RYR2: variants seen among roughly 807,000 people sequenced by gnomAD.
The protein encoded by RYR2 is cardiac muscle ryanodine receptor-calcium release channel.
In RYR2, 227 loss-of-function variants were observed where a neutral mutation model predicts 601.1. The observed-to-expected ratio is 0.38, with a 90% CI of 0.34 to 0.42. The LOEUF is 0.42. Ranked by LOEUF, RYR2 falls within the 10% of genes least tolerant of loss-of-function variation. The pLI, the probability that RYR2 is intolerant of heterozygous loss-of-function variation, is 1.00. For synonymous variants in RYR2, 2,223 were observed against 2,175.1 expected (o/e 1.02, Z -0.61); for missense variants, 4,646 against 6,156.5 (o/e 0.75, Z 8.21).
At chr1:237,757,021 T>A (rs1455930921) in intron 81 of RYR2, among the ~76,000 whole-genome samples, 1 of 152,226 alleles carries the variant, frequency 6.6e-6, no homozygotes, top group African/African-American at 2.4e-5. Context: ...ACATTCATAA[T>A]AGCTTCTTTG....
chr1:237,160,132 C>T (rs1558341461), intron 1 of RYR2, among the ~76,000 whole-genome samples: 1 of 152,156 alleles, frequency 6.6e-6, no homozygotes, highest in Non-Finnish European at 1.5e-5. Flanking sequence ...ACAGCAGAAT[C>T]TTTGGATTAA....
At chr1:237,463,698 C>T (rs1659735320) in intron 16 of RYR2, among the ~76,000 whole-genome samples, 1 of 152,070 alleles carries the variant, frequency 6.6e-6, no homozygotes. Flanking sequence ...AAGATCTTAA[C>T]TTAGTCTTTA....
At chr1:237,159,597 G>A (rs937245671) in intron 1 of RYR2, among the ~76,000 whole-genome samples, 17 of 152,264 alleles carry the variant, frequency 1.1e-4, no homozygotes, top group African/African-American at 4.1e-4. Context: ...TTGGGAGGCC[G>A]AGGCAGGAGG....
At chr1:237,811,708 A>G (rs945840139) in intron 100 of RYR2, among the ~76,000 whole-genome samples, 3 of 152,192 alleles carry the variant, frequency 2.0e-5, no homozygotes, top group Admixed American at 2.0e-4. Flanking sequence ...TGCAGGGGGA[A>G]AAAGCTTTCA....
intron 17 of RYR2, among the ~76,000 whole-genome samples, chr1:237,482,848 C>A (rs1366068921): frequency 6.6e-6 from 1 of 152,136 alleles, no homozygotes; most frequent in Non-Finnish European, 1.5e-5. Context: ...TTTCTCCATA[C>A]CCTTGCCAGC....
chr1:237,380,403 TATATATATATATATATATA>T lies in RYR2; in HGVS notation c.576+2969_576+2987del, dbSNP rs1701397561. The stretch of plus-strand genomic sequence containing the variant: ...ATATATATATATATATATATATATA[TATATATATATATATATATA>T]GTAAATACGAAGTCTGGTGAGTATG... On this transcript the variant is annotated intron_variant, in intron 8 of 104. Transcript: ENST00000366574. 1.5e-3 allele frequency among the ~76,000 whole-genome samples: 51 copies of T among 34,098 alleles called. 3 individuals are homozygous for T. Among genetic ancestry groups the T allele is most frequent in the African/African-American group, 4.8e-3 (48 of 10,056 alleles). The allele number at this position is 34,098 out of a possible 152,430, so 22.4% of individuals were successfully genotyped here. A position where few individuals can be genotyped will look rare whatever the true frequency, so the allele number is the denominator to read the frequency against.
chr1:237,116,208 C>A (rs1167311473), intron 1 of RYR2, among the ~76,000 whole-genome samples: 2 of 152,090 alleles, frequency 1.3e-5, no homozygotes, highest in Non-Finnish European at 2.9e-5. Flanking sequence ...GGAAGGGGAA[C>A]CAGGCTGAAC....
At chr1:237,526,622 T>C in intron 24 of RYR2, among the ~76,000 whole-genome samples, 1 of 152,192 alleles carries the variant, frequency 6.6e-6, no homozygotes, top group South Asian at 2.1e-4. Context: ...ACTGGAATTA[T>C]AGGCATGAAC....
intron 1 of RYR2, among the ~76,000 whole-genome samples, chr1:237,167,964 G>C (rs1676905797): frequency 1.3e-5 from 2 of 152,056 alleles, no homozygotes; most frequent in Non-Finnish European, 2.9e-5. Context: ...AGCCTAGTCA[G>C]GAAATAAGCT....
chr1:237,566,347 G>C (rs1672083033), intron 27 of RYR2, among the ~76,000 whole-genome samples: 1 of 152,084 alleles, frequency 6.6e-6, no homozygotes, highest in Non-Finnish European at 1.5e-5. Flanking sequence ...CGCAAGCCCT[G>C]GTGCTTTCCA....
chr1:237,340,937 C>T (rs1697716063), intron 3 of RYR2, among the ~76,000 whole-genome samples: 1 of 152,180 alleles, frequency 6.6e-6, no homozygotes, highest in African/African-American at 2.4e-5. Flanking sequence ...TTGAAAGATG[C>T]ATCTTTCAGT....
chr1:237,324,875 A>G (rs1405837246), intron 2 of RYR2, among the ~76,000 whole-genome samples: 1 of 152,204 alleles, frequency 6.6e-6, no homozygotes, highest in Non-Finnish European at 1.5e-5. Flanking sequence ...GCAGTGTGAA[A>G]AGCATAATTA....
At chr1:237,374,672 A>T in intron 6 of RYR2, 45 bp from the exon 7 acceptor site, 1 of 1,508,068 alleles carries the variant, frequency 6.6e-7, no homozygotes, top group African/African-American at 1.4e-5. Context: ...CAAACAACAG[A>T]CGAACAAAAC....
chr1:237,601,099 A>G (rs556576584), intron 34 of RYR2, among the ~76,000 whole-genome samples: 11 of 152,334 alleles, frequency 7.2e-5, no homozygotes, highest in Non-Finnish European at 1.5e-4. Context: ...TCCCAAGGAA[A>G]GGAAATCAGT....
intron 63 of RYR2, among the ~76,000 whole-genome samples, chr1:237,694,614 A>T (rs1457276928): frequency 6.6e-6 from 1 of 152,214 alleles, no homozygotes; most frequent in Non-Finnish European, 1.5e-5. Context: ...TAATGAAAGT[A>T]ATAAAGTATA....
chr1:237,370,682 A>T (rs1464369299), intron 6 of RYR2, among the ~76,000 whole-genome samples: 3 of 143,392 alleles, frequency 2.1e-5, no homozygotes, highest in Non-Finnish European at 4.5e-5. Context: ...TTTTTTTGAG[A>T]CGGAGTCTGG....
intron 4 of RYR2, among the ~76,000 whole-genome samples, chr1:237,357,063 T>A (rs915226783): frequency 2.0e-5 from 3 of 152,010 alleles, no homozygotes; most frequent in Non-Finnish European, 4.4e-5. Context: ...TTTTTTTAAA[T>A]TTTTTTTAGC....
intron 38 of RYR2, among the ~76,000 whole-genome samples, 154 bp from the exon 39 acceptor site, chr1:237,623,611 C>T (rs919569451): frequency 3.3e-5 from 5 of 151,924 alleles, no homozygotes; most frequent in Non-Finnish European, 5.9e-5. Flanking sequence ...CCAGGCTGGT[C>T]TCAAAATCCT....
In RYR2 at chr1:237,631,412, C is replaced by A; in HGVS notation, c.6441-15C>A. ...TGCTCTGAGCTTTACCCCATACGTC[C>A]ATTGTCCTTTCTAGGGATATTATGA... On this transcript the variant is annotated splice_polypyrimidine_tract_variant and intron_variant, in intron 41 of 104. Transcript: ENST00000366574. 2 of 1,532,406 alleles carry A rather than the reference C, an allele frequency of 1.3e-6. No homozygotes were observed. Among genetic ancestry groups the A allele is most frequent in the Non-Finnish European group, 1.8e-6 (2 of 1,107,344 alleles). 94.9% of individuals were successfully genotyped at this position (1,532,406 alleles called of 1,614,324 possible). A position where few individuals can be genotyped will look rare whatever the true frequency, so the allele number is the denominator to read the frequency against.
Sources: allele counts gnomAD v4.1 joint callset (sites outside exome capture counted in the v4.1 genomes callset), GRCh38; gene constraint gnomAD v4.1.1; transcripts MANE v1.5; gene names NCBI Gene and HGNC (gene_info 2026-07-23, HGNC 2026-07-21).